Variants in ATXN7 observed in about 807,000 individuals in gnomAD.
ATXN7 encodes the protein ataxin-7.
Under a neutral mutation model 70.5 loss-of-function variants are expected in ATXN7, and 12 were observed. The observed-to-expected ratio is 0.17, with a 90% confidence interval of 0.11 to 0.28. The LOEUF (loss-of-function observed/expected upper bound fraction) is 0.28. ATXN7 is among the 10% of genes least tolerant of loss of function. ATXN7 has a pLI of 1.00. For missense variants in ATXN7, 1,256 were observed against 1,131.7 expected (o/e 1.11, Z -1.58); for synonymous variants, 498 against 448.7 (o/e 1.11, Z -1.39).
In ATXN7 at chr3:63,871,064, A is replaced by C. The variant is rs950568948; in HGVS notation, c.-111+6906A>C. Reference sequence around the variant, plus strand: ...GGTGACCTGATAACTGCTCTAACTGATTGGTTTATTTTTTGCTTCGTTTCC... The same window carrying C: ...GGTGACCTGATAACTGCTCTAACTGCTTGGTTTATTTTTTGCTTCGTTTCC... On this transcript the variant is annotated intron_variant, in intron 1 of 12. Transcript: ENST00000674280. Among the ~76,000 whole-genome samples, 4 of 151,962 alleles carry C rather than the reference A, an allele frequency of 2.6e-5. No individual in the cohort carries two copies. In the East Asian group the frequency reaches 7.7e-4, roughly 29 times the overall value.
intron 4 of ATXN7, among the ~76,000 whole-genome samples, chr3:63,938,463 C>G (rs148282301): frequency 2.6e-5 from 4 of 152,230 alleles, no homozygotes; most frequent in African/African-American, 9.6e-5. Context: ...TCCCCTTTCC[C>G]CTCTTCAGTG....
At chr3:63,998,768 C>T (rs1164053457) in intron 12 of ATXN7, 1 of 861,570 alleles carries the variant, frequency 1.2e-6, no homozygotes, top group Non-Finnish European at 1.4e-6. Context: ...GACTCGTGAC[C>T]CCAAAATGCT....
chr3:63,901,802 T>G (rs1703651298), intron 2 of ATXN7: 1 of 152,186 alleles, frequency 6.6e-6, no homozygotes, highest in Non-Finnish European at 1.5e-5. Flanking sequence ...AGTGGAATAT[T>G]ATTTAGCCAT....
chr3:63,952,835 CT>C (rs59256288), intron 5 of ATXN7, among the ~76,000 whole-genome samples: 275 of 49,078 alleles, frequency 5.6e-3, no homozygotes, highest in African/African-American at 0.011. Flanking sequence ...ATGCATGGGC[CT>C]TTTTTTTTTT....
chr3:63,998,486 C>G (rs1343043909), intron 12 of ATXN7: 1 of 985,024 alleles, frequency 1.0e-6, no homozygotes, highest in African/African-American at 1.8e-5. Flanking sequence ...TTGATTTTTA[C>G]CATGTAGTGG....
chr3:63,863,891 TGGA>T lies in ATXN7; in HGVS notation c.-369_-367del, dbSNP rs1365818777. The T allele has an allele frequency of 1.8e-5, 20 of 1,134,204 alleles. No homozygotes were observed. The highest frequency in any genetic ancestry group is 1.7e-5 in the African/African-American group (1 of 58,122). 70.3% of individuals were successfully genotyped at this position (1,134,204 alleles called of 1,614,324 possible). A position where few individuals can be genotyped will look rare whatever the true frequency, so the allele number is the denominator to read the frequency against. ...CACAATGCAGCCGGGTAAACAGCCA[TGGA>T]GGAGGAGGCGGCGGCGCCCGCGGCC... On this transcript the variant is annotated 5_prime_UTR_variant, in exon 1 of 13. Coordinates refer to ENST00000674280, the MANE Select transcript of ATXN7 (RefSeq NM_001377405.1).
chr3:63,906,699 C>T (rs1456893791), intron 2 of ATXN7, among the ~76,000 whole-genome samples: 1 of 152,130 alleles, frequency 6.6e-6, no homozygotes, highest in African/African-American at 2.4e-5. Context: ...GATTGAACAG[C>T]AGGATTTCTG....
At chr3:63,885,314 A>G (rs1703054968) in intron 1 of ATXN7, among the ~76,000 whole-genome samples, 1 of 152,216 alleles carries the variant, frequency 6.6e-6, no homozygotes, top group South Asian at 2.1e-4. Context: ...GACAAGACGT[A>G]CAGATGGCCA....
chr3:63,907,456 C>CTTTTTTT (rs946462374), intron 2 of ATXN7, among the ~76,000 whole-genome samples: 26 of 116,634 alleles, frequency 2.2e-4, no homozygotes, highest in African/African-American at 3.3e-4. Context: ...CATTCCTTGT[C>CTTTTTTT]TTTTTTTTTT....
intron 1 of ATXN7, among the ~76,000 whole-genome samples, chr3:63,881,702 C>G (rs759482428): frequency 8.5e-5 from 13 of 152,084 alleles, no homozygotes; most frequent in Non-Finnish European, 1.0e-4. Flanking sequence ...GTTGGTCGGG[C>G]TGGTCTTGAA....
At chr3:63,998,861 C>T (rs1183108429) in intron 12 of ATXN7, 2 of 236,246 alleles carry the variant, frequency 8.5e-6, no homozygotes, top group African/African-American at 2.3e-5. Context: ...AATAACTGGG[C>T]TAGTTGAAGT....
At chr3:63,963,455 T>C (rs1467883582) in intron 5 of ATXN7, among the ~76,000 whole-genome samples, 1 of 152,236 alleles carries the variant, frequency 6.6e-6, no homozygotes, top group Non-Finnish European at 1.5e-5. Context: ...TAGCAGTCCA[T>C]GCTACGCTAT....
chr3:63,977,797 T>C (rs1371033209), intron 5 of ATXN7, among the ~76,000 whole-genome samples: 1 of 152,146 alleles, frequency 6.6e-6, no homozygotes, highest in African/African-American at 2.4e-5. Context: ...GAAATACCAA[T>C]GATGTCCCCA....
In ATXN7 at chr3:63,999,322, GTCAC is replaced by G. The variant is rs915090747; in HGVS notation, c.2662-124_2662-121del. 69 of 736,090 alleles carry G rather than the reference GTCAC, an allele frequency of 9.4e-5. No homozygotes were observed. In the African/African-American group the frequency reaches 9.4e-4, roughly 10 times the overall value. 45.6% of individuals were successfully genotyped at this position (736,090 alleles called of 1,614,324 possible). ...AAATCTATAGCTGACTGTTCCTGGT[GTCAC>G]TCAGTCAATGGAGACTTTAGTAGCG... is the stretch of plus-strand genomic sequence containing the variant. On this transcript the variant is annotated intron_variant, in intron 12 of 12. Coordinates refer to ENST00000674280, the MANE Select transcript of ATXN7 (RefSeq NM_001377405.1).
At chr3:63,994,285 A>G (rs1241376017) in intron 11 of ATXN7, among the ~76,000 whole-genome samples, 1 of 152,068 alleles carries the variant, frequency 6.6e-6, no homozygotes, top group Non-Finnish European at 1.5e-5. Context: ...CCGAGGCTGG[A>G]GTGCAGTAGT....
At chr3:63,952,661 T>C (rs1013105476) in intron 5 of ATXN7, among the ~76,000 whole-genome samples, 178 bp downstream of exon 5, 1 of 152,146 alleles carries the variant, frequency 6.6e-6, no homozygotes, top group Non-Finnish European at 1.5e-5. Context: ...TAAATTTTTA[T>C]TAAAAGTGAT....
At chr3:63,924,848 G>A (rs1488026020) in intron 4 of ATXN7, among the ~76,000 whole-genome samples, 1 of 152,204 alleles carries the variant, frequency 6.6e-6, no homozygotes. Flanking sequence ...GCAGGATGAA[G>A]ACATGGGGTA....
chr3:64,000,716 C>T lies in ATXN7; in HGVS notation c.*1249C>T, dbSNP rs943780574. 1.3e-5 allele frequency: 2 copies of T among 152,042 alleles called. No individual in the cohort carries two copies. The highest frequency in any genetic ancestry group is 2.9e-5 in the Non-Finnish European group (2 of 68,040). 9.4% of individuals were successfully genotyped at this position (152,042 alleles called of 1,614,324 possible). ...TTTTGTGATGCATGTATAGGATTGC[C>T]CTGACACACACCCTCCTTTCTTGGG... is the stretch of plus-strand genomic sequence containing the variant. On this transcript the variant is annotated 3_prime_UTR_variant, in exon 13 of 13. Transcript: ENST00000674280.
At position 63,920,411 on chromosome 3, in the gene ATXN7, C is replaced by T. The variant is rs191545896; in HGVS notation, c.394+7186C>T. On this transcript the variant is annotated intron_variant, in intron 4 of 12. Coordinates refer to ENST00000674280, the MANE Select transcript of ATXN7 (RefSeq NM_001377405.1). ...GAGGTAGCCCGCTAAGATCACAAAG[C>T]ATGTAAGAGGCCCTGTAACCCAGAT... is the stretch of plus-strand genomic sequence containing the variant. Among the ~76,000 whole-genome samples, 42 of 152,246 alleles carry T rather than the reference C, an allele frequency of 2.8e-4. No individual in the cohort carries two copies. In the East Asian group the frequency reaches 7.9e-3, roughly 29 times the overall value.
Sources: allele counts gnomAD v4.1 joint callset (sites outside exome capture counted in the v4.1 genomes callset), GRCh38; gene constraint gnomAD v4.1.1; transcripts MANE v1.5; gene names NCBI Gene and HGNC (gene_info 2026-07-23, HGNC 2026-07-21).